The following ERBB4 variants were observed in gnomAD, a reference collection of about 807,000 sequenced individuals.
The protein encoded by ERBB4 is receptor tyrosine-protein kinase erbB-4.
In ERBB4, 42 loss-of-function variants were observed where a neutral mutation model predicts 158.0. The ratio of observed to expected loss-of-function variants is 0.27; its 90% confidence interval spans 0.21 to 0.34. The LOEUF is 0.34. Among genes scored for constraint, ERBB4 ranks in the 10% least tolerant of loss-of-function variants. ERBB4 has a pLI of 1.00. For missense variants in ERBB4, 1,333 were observed against 1,624.1 expected (o/e 0.82, Z 3.08); for synonymous variants, 583 against 558.7 (o/e 1.04, Z -0.61).
chr2:211,973,118 A>G (rs1175234748), intron 2 of ERBB4, among the ~76,000 whole-genome samples: 1 of 152,220 alleles, frequency 6.6e-6, no homozygotes, highest in African/African-American at 2.4e-5. Context: ...GGCAAAAGAC[A>G]TGAACAGACA....
chr2:212,368,805 G>C (rs1356770153), intron 1 of ERBB4, among the ~76,000 whole-genome samples: 3 of 152,050 alleles, frequency 2.0e-5, no homozygotes, highest in Non-Finnish European at 4.4e-5. Context: ...GAATTATCTT[G>C]GGAGATATGG....
chr2:212,250,475 T>C (rs2106047093), intron 1 of ERBB4, among the ~76,000 whole-genome samples: 1 of 152,088 alleles, frequency 6.6e-6, no homozygotes, highest in South Asian at 2.1e-4. Flanking sequence ...CCTTATTTGC[T>C]TCCTCATTTA....
At chr2:211,889,307 A>C (rs201242501) in intron 3 of ERBB4, among the ~76,000 whole-genome samples, 34,831 of 142,452 alleles carry the variant, frequency 0.24, 5,504 homozygotes, top group East Asian at 0.39. Context: ...CTCACACGGC[A>C]GGGTATTCCA....
rs537727526 is a variant in ERBB4, at chr2:212,231,337, T to C, written c.83-106434A>G. Among the ~76,000 whole-genome samples, 5 of 152,126 alleles carry C rather than the reference T, an allele frequency of 3.3e-5. No individual in the cohort carries two copies. The East Asian group carries it at 7.7e-4, about 23-fold the overall frequency. On this transcript the variant is annotated intron_variant, in intron 1 of 27. Transcript: ENST00000342788. ...AAACCTTTTCACTTCATTTTTGACA[T>C]GTTTTAAGTCATTTGTCTGGACTCC...
At chr2:211,385,969 G>C (rs2062676081) in intron 27 of ERBB4, among the ~76,000 whole-genome samples, 1 of 152,114 alleles carries the variant, frequency 6.6e-6, no homozygotes, top group Admixed American at 6.5e-5. Flanking sequence ...TATCTAGACA[G>C]ATATATTTTA....
intron 20 of ERBB4, among the ~76,000 whole-genome samples, chr2:211,532,357 T>C (rs908436372): frequency 6.6e-6 from 1 of 152,084 alleles, no homozygotes; most frequent in Non-Finnish European, 1.5e-5. Flanking sequence ...CTGACGAGAT[T>C]ATTATGCATT....
chr2:212,049,867 T>G (rs572051784), intron 2 of ERBB4, among the ~76,000 whole-genome samples: 2 of 152,180 alleles, frequency 1.3e-5, no homozygotes, highest in Non-Finnish European at 2.9e-5. Flanking sequence ...ATTAGAACAG[T>G]GGGATATGCT....
chr2:212,300,021 G>C (rs1028317352), intron 1 of ERBB4, among the ~76,000 whole-genome samples: 1 of 151,326 alleles, frequency 6.6e-6, no homozygotes, highest in Non-Finnish European at 1.5e-5. Flanking sequence ...CCCCTCCCTT[G>C]TTACCTAAAT....
At chr2:212,500,602 CT>C (rs1248445786) in intron 1 of ERBB4, among the ~76,000 whole-genome samples, 3 of 151,910 alleles carry the variant, frequency 2.0e-5, no homozygotes, top group African/African-American at 7.3e-5. Flanking sequence ...AGGGCAATAA[CT>C]TTTGTCCCAC....
At chr2:211,616,107 C>T (rs953646212) in intron 19 of ERBB4, among the ~76,000 whole-genome samples, 1 of 152,048 alleles carries the variant, frequency 6.6e-6, no homozygotes, top group African/African-American at 2.4e-5. Context: ...TGACAGCTTT[C>T]TCTTTCCACT....
rs1300812326 is a variant in ERBB4, at chr2:211,807,204, T to C, written c.422-19045A>G. Among the ~76,000 whole-genome samples, 5 of 152,264 alleles carry C rather than the reference T, an allele frequency of 3.3e-5. No homozygotes were observed. The South Asian group carries it at 8.3e-4, about 25-fold the overall frequency. ...ACATGTGCACAACGTGCAGGTTTGTTACATAGGTATACATGTACCATGTTG... is the reference window on the plus strand; with the variant it reads ...ACATGTGCACAACGTGCAGGTTTGTCACATAGGTATACATGTACCATGTTG... On this transcript the variant is annotated intron_variant, in intron 3 of 27. Coordinates refer to ENST00000342788, the MANE Select transcript of ERBB4 (RefSeq NM_005235.3).
At chr2:211,626,640 G>T (rs755982023) in intron 17 of ERBB4, among the ~76,000 whole-genome samples, 90 of 152,110 alleles carry the variant, frequency 5.9e-4, no homozygotes, top group Non-Finnish European at 1.1e-3. Context: ...AAACCAGTAA[G>T]TGGGCCGGGC....
At chr2:212,202,302 T>TC (rs2082610369) in intron 1 of ERBB4, among the ~76,000 whole-genome samples, 2 of 152,168 alleles carry the variant, frequency 1.3e-5, no homozygotes, top group African/African-American at 4.8e-5. Flanking sequence ...CTACTATGTA[T>TC]CAGGCATACA....
At chr2:211,630,156 C>A (rs1336624812) in intron 17 of ERBB4, among the ~76,000 whole-genome samples, 1 of 152,198 alleles carries the variant, frequency 6.6e-6, no homozygotes, top group East Asian at 1.9e-4. Context: ...TCTAGATCTG[C>A]TGCTATTGAG....
intron 1 of ERBB4, among the ~76,000 whole-genome samples, chr2:212,370,426 C>G (rs1260903535): frequency 1.3e-5 from 2 of 152,088 alleles, no homozygotes; most frequent in African/African-American, 4.8e-5. Flanking sequence ...ACGTGCAAGG[C>G]ACCAGCCAAA....
intron 1 of ERBB4, among the ~76,000 whole-genome samples, chr2:212,418,043 G>C (rs35993802): frequency 0.16 from 24,219 of 151,900 alleles, 2,527 homozygotes; most frequent in Non-Finnish European, 0.24. Flanking sequence ...CCATCAGCAA[G>C]TCAGGAAGAA....
intron 25 of ERBB4, among the ~76,000 whole-genome samples, chr2:211,396,564 A>G (rs979370209): frequency 2.6e-5 from 4 of 152,180 alleles, no homozygotes; most frequent in South Asian, 2.1e-4. Context: ...AGAGCAATCT[A>G]TGTGTGAGAA....
chr2:212,083,562 A>G (rs1357127), intron 2 of ERBB4, among the ~76,000 whole-genome samples: 130,426 of 151,766 alleles, frequency 0.86, 57,212 homozygotes, highest in East Asian at 1. Context: ...AACATAAAAT[A>G]AGACTACACG....
chr2:211,699,338 T>C (rs1478256961), intron 12 of ERBB4, among the ~76,000 whole-genome samples: 2 of 152,090 alleles, frequency 1.3e-5, no homozygotes, highest in Non-Finnish European at 2.9e-5. Flanking sequence ...GTGTGTGTGA[T>C]ATAGCAAGAC....
Sources: gnomAD v4.1 joint callset for allele counts (sites outside exome capture counted in the v4.1 genomes callset) on GRCh38, gnomAD v4.1.1 for gene constraint, MANE v1.5 for transcripts, NCBI Gene and HGNC (gene_info 2026-07-23, HGNC 2026-07-21) for gene names.